Variants in ING5 observed in about 807,000 individuals in gnomAD.
ING5 encodes inhibitor of growth family member 5.
ING5 carries 17 observed loss-of-function variants against 37.4 expected under a neutral mutation model. That is an observed-to-expected ratio of 0.45 (90% CI 0.31 to 0.68). The LOEUF (loss-of-function observed/expected upper bound fraction) is 0.68. Ranked by LOEUF, ING5 falls within the 30% of genes least tolerant of loss-of-function variation. ING5 has a pLI of 0.05. For synonymous variants in ING5, 123 were observed against 116.6 expected (o/e 1.06, Z -0.36); for missense variants, 233 against 311.9 (o/e 0.75, Z 1.91).
chr2:241,700,048 T>C (rs771799899), upstream of ING5, among the ~76,000 whole-genome samples: 2 of 152,094 alleles, frequency 1.3e-5, no homozygotes, highest in Non-Finnish European at 2.9e-5. Flanking sequence ...AGTGGCACGA[T>C]CTCGGCTCAC....
intron 2 of ING5, among the ~76,000 whole-genome samples, chr2:241,690,953 G>A (rs927931117): frequency 4.7e-5 from 7 of 150,494 alleles, no homozygotes; most frequent in African/African-American, 1.5e-4. Context: ...ATTTACAGGC[G>A]CCCGCCACAA....
upstream of ING5, among the ~76,000 whole-genome samples, chr2:241,701,112 C>G (rs1281406353): frequency 6.8e-6 from 1 of 147,918 alleles, no homozygotes; most frequent in African/African-American, 2.5e-5. Context: ...CGCCACCACG[C>G]TTGGCTAATT....
intron 5 of ING5, chr2:241,720,349 G>A (rs976812914): frequency 2.2e-5 from 26 of 1,204,774 alleles, no homozygotes; most frequent in Non-Finnish European, 1.6e-5. Context: ...TCCCTGCTGG[G>A]GACCCAGGCG....
At chr2:241,706,220 CT>C (rs1330338172) in intron 2 of ING5, among the ~76,000 whole-genome samples, 4 of 152,146 alleles carry the variant, frequency 2.6e-5, no homozygotes, top group Non-Finnish European at 2.9e-5. Context: ...CCTTTCACCC[CT>C]CTTCAGTGTG....
chr2:241,721,637 T>C (rs1322259889), intron 5 of ING5: 1 of 985,502 alleles, frequency 1.0e-6, no homozygotes, highest in Non-Finnish European at 1.2e-6. Context: ...GCCACGTTCC[T>C]CCTGCTAACC....
At chr2:241,705,428 C>T (rs1160411754) in intron 2 of ING5, among the ~76,000 whole-genome samples, 7 of 123,286 alleles carry the variant, frequency 5.7e-5, no homozygotes, top group Non-Finnish European at 1.1e-4. Flanking sequence ...GACAGAGTCT[C>T]ACTCTGTTGC....
intron 4 of ING5, 114 bp from the exon 5 acceptor site, chr2:241,711,864 G>C: frequency 1.1e-6 from 1 of 937,904 alleles, no homozygotes; most frequent in South Asian, 1.8e-5. Flanking sequence ...TTGCTCCGCT[G>C]CACTCCAGCC....
rs1239606464 is a variant in ING5 at position 241,725,519 on chromosome 2, G to C, written c.*488G>C. 6.6e-6 allele frequency: 1 copy of C among 152,284 alleles called. No homozygotes were observed. Among genetic ancestry groups the C allele is most frequent in the Non-Finnish European group, 1.5e-5 (1 of 68,250 alleles). The allele number at this position is 152,284 out of a possible 1,614,324, so 9.4% of individuals were successfully genotyped here. On this transcript the variant is annotated 3_prime_UTR_variant, in exon 8 of 8. Transcript: ENST00000313552. The stretch of plus-strand genomic sequence containing the variant: ...GGCTGCCCTCCTCACACTCGGCTCC[G>C]CGCCGCCTCCGGCCACCGTGCGCTC...
At chr2:241,707,825 G>T (rs2069969958) in intron 2 of ING5, among the ~76,000 whole-genome samples, 1 of 152,112 alleles carries the variant, frequency 6.6e-6, no homozygotes, top group African/African-American at 2.4e-5. Context: ...GACCCTCCTA[G>T]TCATGACACC....
At chr2:241,719,478 C>G (rs2070371286) in intron 5 of ING5, 1 of 1,361,288 alleles carries the variant, frequency 7.3e-7, no homozygotes, top group Admixed American at 2.0e-5. Context: ...TGTTTTCTAA[C>G]TCAGTGGCAA....
At chr2:241,689,623 C>T (rs550131991) in intron 1 of ING5, among the ~76,000 whole-genome samples, 28 of 152,236 alleles carry the variant, frequency 1.8e-4, no homozygotes, top group East Asian at 1.4e-3. Context: ...GAAGTACAGC[C>T]GTTGTAGCTG....
intron 2 of ING5, chr2:241,690,695 G>T (rs1269057877): frequency 2.5e-6 from 1 of 398,682 alleles, no homozygotes; most frequent in Non-Finnish European, 4.4e-6. Flanking sequence ...GGGATGCTGG[G>T]TCTGTGTGGT....
In ING5 at chr2:241,704,728, G is replaced by C. The variant is rs1435755239; in HGVS notation, c.109+4G>C. 24 of 1,611,454 alleles carry C rather than the reference G, an allele frequency of 1.5e-5. No individual in the cohort carries two copies. Among genetic ancestry groups the C allele is most frequent in the Non-Finnish European group, 2.0e-5 (24 of 1,177,580 alleles). On this transcript the variant is annotated splice_donor_region_variant and intron_variant, in intron 2 of 7. Coordinates refer to ENST00000313552, the MANE Select transcript of ING5 (RefSeq NM_032329.6). ...GAGCTGGACCAGAGGACGGAAGGTG[G>C]GTTCAGACCTCTCCATACAACCAGA...
chr2:241,696,298 G>A (rs538974525), intron 2 of ING5, among the ~76,000 whole-genome samples: 1 of 152,070 alleles, frequency 6.6e-6, no homozygotes, highest in Non-Finnish European at 1.5e-5. Context: ...GGCCAAGGCC[G>A]GAGAATCGCT....
chr2:241,715,440 C>T (rs2070236170), intron 5 of ING5, among the ~76,000 whole-genome samples: 1 of 151,370 alleles, frequency 6.6e-6, no homozygotes, highest in Non-Finnish European at 1.5e-5. Flanking sequence ...AAGTGATCCA[C>T]CCACGTTGGC....
At chr2:241,720,893 T>TGAGAG in intron 5 of ING5, 6 of 985,570 alleles carry the variant, frequency 6.1e-6, no homozygotes, top group Non-Finnish European at 7.2e-6. Flanking sequence ...CAGGCGAGAC[T>TGAGAG]GAGAGGCCAG....
intron 1 of ING5, among the ~76,000 whole-genome samples, chr2:241,689,615 A>G (rs531881746): frequency 4.8e-4 from 73 of 152,314 alleles, no homozygotes; most frequent in African/African-American, 1.7e-3. Context: ...AGGCCCATGA[A>G]GTACAGCCGT....
At chr2:241,721,909 G>A in intron 5 of ING5, 1 of 985,758 alleles carries the variant, frequency 1.0e-6, no homozygotes, top group Non-Finnish European at 1.2e-6. Context: ...GCATAGACGG[G>A]GTGGAACACC....
chr2:241,709,555 GTT>G (rs10629648), intron 3 of ING5, among the ~76,000 whole-genome samples, 173 bp downstream of exon 3: 2 of 130,112 alleles, frequency 1.5e-5, no homozygotes, highest in African/African-American at 2.9e-5. Flanking sequence ...GACCATCCCT[GTT>G]TTTTTTTTTT....
Sources: allele counts gnomAD v4.1 joint callset (sites outside exome capture counted in the v4.1 genomes callset), GRCh38; gene constraint gnomAD v4.1.1; transcripts MANE v1.5; gene names NCBI Gene and HGNC (gene_info 2026-07-23, HGNC 2026-07-21).